ABAT: variants seen among roughly 807,000 people sequenced by gnomAD.
The protein encoded by ABAT is 4-aminobutyrate aminotransferase.
Under a neutral mutation model 64.6 loss-of-function variants are expected in ABAT, and 45 were observed. That is an observed-to-expected ratio of 0.70 (90% CI 0.55 to 0.89). The LOEUF (loss-of-function observed/expected upper bound fraction) is 0.89, where lower values mean the gene tolerates loss of function less well. Among genes scored for constraint, ABAT ranks in the 40% least tolerant of loss-of-function variants. The pLI is 0.00. For missense variants in ABAT, 633 were observed against 658.4 expected (o/e 0.96, Z 0.42); for synonymous variants, 297 against 250.5 (o/e 1.19, Z -1.75).
chr16:8,746,001 G>C lies in ABAT; in HGVS notation c.71G>C (p.Gly24Ala). 3.1e-6 allele frequency: 5 copies of C among 1,613,718 alleles called. No homozygotes were observed. The Middle Eastern group carries it at 5.0e-4, about 160-fold the overall frequency. The change falls in exon 3 of 16, where the codon GGA (glycine) becomes GCA (alanine). Residue 24 changes from glycine (G) to alanine (A), a missense_variant and splice_region_variant. Physicochemically the swap from Gly to Ala is moderately conservative, Grantham distance 60. Transcript: ENST00000268251. The part of the protein sequence containing the change: ...FQHSYRLLVP[G>A]SRHISQAAAK... Reference sequence around the variant, plus strand: ...TTCTCATTGTCTTTGTTTACTGCAGGATCCAGACACATTAGTCAAGCTGCA... The same window carrying C: ...TTCTCATTGTCTTTGTTTACTGCAGCATCCAGACACATTAGTCAAGCTGCA...
intron 1 of ABAT, among the ~76,000 whole-genome samples, chr16:8,733,923 CATA>C (rs1435306835): frequency 6.6e-6 from 1 of 152,220 alleles, no homozygotes; most frequent in Non-Finnish European, 1.5e-5. Flanking sequence ...TTTCACTTAG[CATA>C]ATGTCTTCCA....
chr16:8,750,082 G>T (rs953808562), intron 4 of ABAT, among the ~76,000 whole-genome samples: 2 of 152,092 alleles, frequency 1.3e-5, no homozygotes, highest in East Asian at 1.9e-4. Context: ...TTTCTTTAAT[G>T]ATTACTACAT....
chr16:8,714,219 G>A (rs1013611054), intron 1 of ABAT, among the ~76,000 whole-genome samples: 1 of 152,202 alleles, frequency 6.6e-6, no homozygotes, highest in Non-Finnish European at 1.5e-5. Context: ...GCCTGCATCT[G>A]GTCCTAGGAA....
intron 1 of ABAT, among the ~76,000 whole-genome samples, chr16:8,704,671 C>A (rs3095510): frequency 0.28 from 41,915 of 151,848 alleles, 6,601 homozygotes; most frequent in African/African-American, 0.43. Flanking sequence ...ACTGCATATA[C>A]AATTTTACAT....
intron 1 of ABAT, among the ~76,000 whole-genome samples, chr16:8,682,021 G>A (rs1038726168): frequency 3.3e-5 from 5 of 152,066 alleles, no homozygotes; most frequent in African/African-American, 7.2e-5. Context: ...CCCACCAGAC[G>A]CTGGCAACAT....
intron 5 of ABAT, among the ~76,000 whole-genome samples, chr16:8,753,728 T>C (rs540138557): frequency 5.9e-5 from 9 of 152,284 alleles, no homozygotes; most frequent in African/African-American, 1.7e-4. Flanking sequence ...CTTTTCAGTC[T>C]TGGGGCCAGC....
Position 8,772,853 on chromosome 16 carries a change from C to A in ABAT, c.890C>A (p.Ser297Tyr). The change falls in exon 12 of 16, where the codon TCC (serine) becomes TAC (tyrosine). Residue 297 changes from serine (S) to tyrosine (Y), a missense_variant. Physicochemically the swap from Ser to Tyr is moderately radical, Grantham distance 144. Transcript: ENST00000268251. ...GGGATCATCGTGGAGCCCATCCAGT[C>A]CGAGGGTGGAGACAACCACGCATCC... ...VAGIIVEPIQ[S>Y]EGGDNHASDD... 1.2e-6 allele frequency: 2 copies of A among 1,614,078 alleles called. No individual in the cohort carries two copies. Among genetic ancestry groups the A allele is most frequent in the Non-Finnish European group, 1.7e-6 (2 of 1,180,024 alleles).
intron 6 of ABAT, among the ~76,000 whole-genome samples, chr16:8,762,881 C>T (rs1596463443): frequency 6.6e-6 from 1 of 152,128 alleles, no homozygotes; most frequent in Admixed American, 6.5e-5. Context: ...CTGAGGCAGG[C>T]AGATCACTTG....
At chr16:8,696,639 A>T (rs1596403302) in intron 1 of ABAT, among the ~76,000 whole-genome samples, 1 of 152,038 alleles carries the variant, frequency 6.6e-6, no homozygotes, top group East Asian at 1.9e-4. Flanking sequence ...TAAATAGAGA[A>T]GTTTGGTATC....
chr16:8,721,340 T>C (rs970321335), intron 1 of ABAT, among the ~76,000 whole-genome samples: 3 of 152,056 alleles, frequency 2.0e-5, no homozygotes, highest in East Asian at 1.9e-4. Context: ...CCTGTGGTCA[T>C]ATGCAGGGCC....
In ABAT at chr16:8,737,988, G is replaced by GAAAGAAAGAAAGAAAGAAA. The variant is rs1491569008; in HGVS notation, c.70+2179_70+2180insAAAGAAAGAAAGAAAGAAA. The stretch of plus-strand genomic sequence containing the variant: ...AGGAAGGAAGGAAGGAAGGAAGGAA[G>GAAAGAAAGAAAGAAAGAAA]GAGGAAAGAAAGAAAGAAAGAAAGA... On this transcript the variant is annotated intron_variant, in intron 2 of 15. Coordinates refer to ENST00000268251, the MANE Select transcript of ABAT (RefSeq NM_020686.6). 3.7e-4 allele frequency among the ~76,000 whole-genome samples: 19 copies of GAAAGAAAGAAAGAAAGAAA among 51,804 alleles called. 2 individuals carry two copies. Among genetic ancestry groups the GAAAGAAAGAAAGAAAGAAA allele is most frequent in the South Asian group, 7.6e-4 (1 of 1,316 alleles). The allele number at this position is 51,804 out of a possible 152,430, so 34.0% of individuals were successfully genotyped here.
intron 2 of ABAT, 80 bp downstream of exon 2, chr16:8,735,889 C>A: frequency 2.3e-6 from 3 of 1,315,584 alleles, no homozygotes; most frequent in Non-Finnish European, 2.1e-6. Context: ...CTGGAAGAGC[C>A]CTTGGGGATA....
At chr16:8,716,427 A>G (rs1041777857) in intron 1 of ABAT, among the ~76,000 whole-genome samples, 1 of 152,048 alleles carries the variant, frequency 6.6e-6, no homozygotes, top group Non-Finnish European at 1.5e-5. Context: ...TGCTGCTGCT[A>G]ATTGTATTTG....
intron 1 of ABAT, among the ~76,000 whole-genome samples, chr16:8,711,786 A>AGATGGATGGATG (rs59128291): frequency 3.9e-4 from 53 of 137,210 alleles, no homozygotes; most frequent in African/African-American, 1.2e-3. Flanking sequence ...ATGGATGGGA[A>AGATGGATGGATG]GATGGATGGA....
At chr16:8,699,971 G>A (rs2057783453) in intron 1 of ABAT, among the ~76,000 whole-genome samples, 1 of 149,460 alleles carries the variant, frequency 6.7e-6, no homozygotes, top group African/African-American at 2.6e-5. Flanking sequence ...GTGCCACCTG[G>A]CTAATTTTTG....
At chr16:8,700,928 T>G (rs1318292937) in intron 1 of ABAT, among the ~76,000 whole-genome samples, 1 of 147,102 alleles carries the variant, frequency 6.8e-6, no homozygotes, top group Non-Finnish European at 1.5e-5. Context: ...TTTTTTTTTT[T>G]GCTTTGTTTT....
chr16:8,685,553 G>A (rs1178179014), intron 1 of ABAT, among the ~76,000 whole-genome samples: 1 of 151,252 alleles, frequency 6.6e-6, no homozygotes, highest in African/African-American at 2.4e-5. Context: ...GCCTGCGCCT[G>A]TAGTCCCAAC....
chr16:8,709,812 G>C (rs1002429591), intron 1 of ABAT, among the ~76,000 whole-genome samples: 1 of 148,308 alleles, frequency 6.7e-6, no homozygotes, highest in African/African-American at 2.5e-5. Context: ...TATGCTATTA[G>C]AGCAGTCAGT....
At chr16:8,754,350 G>A (rs1450612277) in intron 5 of ABAT, among the ~76,000 whole-genome samples, 3 of 152,078 alleles carry the variant, frequency 2.0e-5, no homozygotes, top group Non-Finnish European at 4.4e-5. Context: ...GTGAGACCAT[G>A]TCTCAAACAA....
Sources: gnomAD v4.1 joint callset for allele counts (sites outside exome capture counted in the v4.1 genomes callset) on GRCh38, gnomAD v4.1.1 for gene constraint, MANE v1.5 for transcripts, NCBI Gene and HGNC (gene_info 2026-07-23, HGNC 2026-07-21) for gene names.